ADAMTS19: variants seen among roughly 807,000 people sequenced by gnomAD.
ADAMTS19 encodes the protein A disintegrin and metalloproteinase with thrombospondin motifs 19.
A neutral mutation model predicts 153.3 loss-of-function variants in ADAMTS19; 93 were observed. The observed-to-expected ratio is 0.61, with a 90% CI of 0.51 to 0.72. ADAMTS19 has a LOEUF of 0.72. ADAMTS19 is among the 30% of genes least tolerant of loss of function. The pLI, the probability that ADAMTS19 is intolerant of heterozygous loss-of-function variation, is 0.00. For synonymous variants in ADAMTS19, 600 were observed against 556.6 expected (o/e 1.08, Z -1.10); for missense variants, 1,482 against 1,552.1 (o/e 0.95, Z 0.76).
intron 13 of ADAMTS19, among the ~76,000 whole-genome samples, chr5:129,653,126 T>A (rs570484158): frequency 6.6e-6 from 1 of 152,338 alleles, no homozygotes; most frequent in South Asian, 2.1e-4. Flanking sequence ...AGTGATACCC[T>A]GTTCCATGCC....
At chr5:129,527,211 T>G (rs1752042350) in intron 4 of ADAMTS19, among the ~76,000 whole-genome samples, 1 of 152,008 alleles carries the variant, frequency 6.6e-6, no homozygotes, top group Middle Eastern at 3.4e-3. Flanking sequence ...ATCAGAAGGT[T>G]GTAGTGAAGA....
chr5:129,536,679 G>T (rs143162412), intron 6 of ADAMTS19, among the ~76,000 whole-genome samples: 28,246 of 151,958 alleles, frequency 0.19, 3,151 homozygotes, highest in African/African-American at 0.3. Flanking sequence ...CCAACAATGA[G>T]AGACTGGATT....
At chr5:129,590,006 A>G (rs1032163695) in intron 7 of ADAMTS19, among the ~76,000 whole-genome samples, 1 of 152,082 alleles carries the variant, frequency 6.6e-6, no homozygotes, top group African/African-American at 2.4e-5. Flanking sequence ...TAGCATTCTC[A>G]GATTTTTTTT....
At chr5:129,720,297 G>A (rs1218964370) in intron 21 of ADAMTS19, among the ~76,000 whole-genome samples, 3 of 151,156 alleles carry the variant, frequency 2.0e-5, no homozygotes, top group Admixed American at 2.0e-4. Flanking sequence ...TCAGCCTCCC[G>A]AGTAGCTAGG....
At chr5:129,551,234 T>C (rs1188502653) in intron 6 of ADAMTS19, among the ~76,000 whole-genome samples, 2 of 151,720 alleles carry the variant, frequency 1.3e-5, no homozygotes, top group Non-Finnish European at 3.0e-5. Flanking sequence ...TAAGGTCTAT[T>C]AAATTTTGCT....
intron 6 of ADAMTS19, among the ~76,000 whole-genome samples, chr5:129,536,817 A>C (rs1343338599): frequency 2.0e-5 from 3 of 151,678 alleles, no homozygotes; most frequent in African/African-American, 7.3e-5. Context: ...AAGGACAAAA[A>C]CAAACACTGC....
rs201935631 is a variant in ADAMTS19 at position 129,543,040 on chromosome 5, G to GTT, written c.1329-8823_1329-8822dup. Among the ~76,000 whole-genome samples the GTT allele has an allele frequency of 2.0e-3, 286 of 144,784 alleles. 1 individual carries two copies. The highest frequency in any genetic ancestry group is 2.8e-3 in the Non-Finnish European group (184 of 66,228). The allele number at this position is 144,784 out of a possible 152,430, so 95.0% of individuals were successfully genotyped here. A position where few individuals can be genotyped will look rare whatever the true frequency, so the allele number is the denominator to read the frequency against. On this transcript the variant is annotated intron_variant, in intron 6 of 22. Transcript: ENST00000274487. ...GTTGTTGTTTTTTTTTGTTGTTGTT[G>GTT]TTGTTTTGTTTTTTTTTTTTTAATT...
intron 7 of ADAMTS19, among the ~76,000 whole-genome samples, chr5:129,590,717 A>G (rs1750093021): frequency 6.6e-6 from 1 of 152,224 alleles, no homozygotes; most frequent in African/African-American, 2.4e-5. Flanking sequence ...TTATTAGTCA[A>G]CTAGTGAGAC....
At chr5:129,665,400 C>A (rs1754000675) in intron 15 of ADAMTS19, 99 bp from the exon 16 acceptor site, 1 of 962,640 alleles carries the variant, frequency 1.0e-6, no homozygotes, top group Non-Finnish European at 1.5e-6. Flanking sequence ...AATATCATAG[C>A]AATAACCAAA....
At position 129,664,906 on chromosome 5, in the gene ADAMTS19, A is replaced by G. The variant is rs1753972449; in HGVS notation, c.2426-593A>G. On this transcript the variant is annotated intron_variant, in intron 15 of 22. Transcript: ENST00000274487. Reference sequence around the variant, plus strand: ...AATGTTTCCTGAGAAGCACCTAATCATGTCTTGGGTCTAGCTATCTGACAT... The same window carrying G: ...AATGTTTCCTGAGAAGCACCTAATCGTGTCTTGGGTCTAGCTATCTGACAT... Among the ~76,000 whole-genome samples, 3 of 152,014 alleles carry G rather than the reference A, an allele frequency of 2.0e-5. No individual in the cohort carries two copies. In the South Asian group the frequency reaches 6.2e-4, roughly 31 times the overall value.
Position 129,701,420 on chromosome 5 carries a change from G to T in ADAMTS19, c.2987G>T (p.Arg996Leu), listed in dbSNP as rs146703140. Reference protein sequence around the residue: ...WMMTEWTPCSRTCGKGMQSRQ... With the variant: ...WMMTEWTPCSLTCGKGMQSRQ... ...ATGACAGAATGGACCCCTTGTTCAC[G>T]AACTTGTGGAAAAGGAATGCAGAGC... The change falls in exon 20 of 23, where the codon CGA (arginine) becomes CTA (leucine). Residue 996 changes from arginine to leucine, a missense_variant. Physicochemically the swap from Arg to Leu is moderately radical, Grantham distance 102 (BLOSUM62 -2). This residue lies in a region of ADAMTS19 where 616 missense variants were observed against 724.4 expected (regional missense o/e 0.85). Coordinates refer to ENST00000274487, the MANE Select transcript of ADAMTS19 (RefSeq NM_133638.6). 1.2e-4 allele frequency: 199 copies of T among 1,613,970 alleles called. No individual in the cohort carries two copies. Among genetic ancestry groups the T allele is most frequent in the Non-Finnish European group, 1.5e-4 (180 of 1,180,040 alleles).
intron 3 of ADAMTS19, among the ~76,000 whole-genome samples, chr5:129,515,620 T>C (rs1013568644): frequency 5.9e-5 from 9 of 152,104 alleles, no homozygotes; most frequent in Non-Finnish European, 1.2e-4. Context: ...GAAATGCTAA[T>C]GATTTTTGCA....
intron 2 of ADAMTS19, among the ~76,000 whole-genome samples, chr5:129,502,181 G>A (rs1400421429): frequency 6.6e-6 from 1 of 152,092 alleles, no homozygotes; most frequent in Non-Finnish European, 1.5e-5. Context: ...AAGGACCAGG[G>A]CAGTGGAAAT....
At chr5:129,556,554 G>A (rs533105782) in intron 7 of ADAMTS19, among the ~76,000 whole-genome samples, 1 of 152,218 alleles carries the variant, frequency 6.6e-6, no homozygotes, top group Admixed American at 6.5e-5. Context: ...AAAGAATTAA[G>A]GTAGTGGATG....
Position 129,461,431 on chromosome 5 carries a change from G to T in ADAMTS19, c.421G>T (p.Gly141Cys), listed in dbSNP as rs1274834719. 1.1e-5 allele frequency: 15 copies of T among 1,401,108 alleles called. No individual in the cohort carries two copies. Among genetic ancestry groups the T allele is most frequent in the Non-Finnish European group, 1.4e-5 (15 of 1,090,338 alleles). The allele number at this position is 1,401,108 out of a possible 1,614,324, so 86.8% of individuals were successfully genotyped here. The change falls in exon 2 of 23, where the codon GGC (glycine) becomes TGC (cysteine). Residue 141 changes from glycine (G) to cysteine (C), a missense_variant. By Grantham distance (159) the Gly-to-Cys change is radical (BLOSUM62 -3). Coordinates refer to ENST00000274487, the MANE Select transcript of ADAMTS19 (RefSeq NM_133638.6). The surrounding 1 kb of genome is among the most constrained non-coding windows in gnomAD (Gnocchi z 4.6). The stretch of plus-strand genomic sequence containing the variant: ...CAGCGGGGCTGCCGCCTTGTCCCCG[G>T]GCGCCCCGGCCTCGTGGCAGCCGCC... ...GSSGAAALSPGAPASWQPPPP... is the reference protein window; with the variant it reads ...GSSGAAALSPCAPASWQPPPP...
intron 21 of ADAMTS19, among the ~76,000 whole-genome samples, chr5:129,718,671 G>T (rs1392958216): frequency 2.0e-5 from 3 of 152,112 alleles, no homozygotes; most frequent in African/African-American, 7.2e-5. Context: ...TCCTTATGAG[G>T]TCCTCTCTCC....
intron 21 of ADAMTS19, among the ~76,000 whole-genome samples, chr5:129,721,010 T>C (rs1296305711): frequency 6.6e-6 from 1 of 152,234 alleles, no homozygotes; most frequent in Non-Finnish European, 1.5e-5. Flanking sequence ...GTATAAGCCT[T>C]GAAGAACCCA....
intron 18 of ADAMTS19, among the ~76,000 whole-genome samples, chr5:129,689,407 T>C (rs1442928491): frequency 6.6e-6 from 1 of 152,030 alleles, no homozygotes; most frequent in Non-Finnish European, 1.5e-5. Context: ...TCTATAAGGG[T>C]GTGATTTGTT....
intron 12 of ADAMTS19, 136 bp downstream of exon 12, chr5:129,648,031 A>G: frequency 2.1e-6 from 2 of 930,616 alleles, no homozygotes; most frequent in Non-Finnish European, 3.0e-6. Context: ...AGTCCTTCAA[A>G]TTATTTATTT....
Sources: allele counts gnomAD v4.1 joint callset (sites outside exome capture counted in the v4.1 genomes callset), GRCh38; gene constraint gnomAD v4.1.1; regional missense constraint gnomAD v4.1.1; non-coding constraint Gnocchi (gnomAD v3.1); transcripts MANE v1.5; gene names NCBI Gene and HGNC (gene_info 2026-07-23, HGNC 2026-07-21).